AFF3: variants seen among roughly 807,000 people sequenced by gnomAD.
AFF3 encodes AF4/FMR2 family member 3.
In AFF3, 32 loss-of-function variants were observed where a neutral mutation model predicts 129.7. The ratio of observed to expected loss-of-function variants is 0.25; its 90% CI spans 0.19 to 0.33. The LOEUF (loss-of-function observed/expected upper bound fraction) is 0.33, where lower values mean the gene tolerates loss of function less well. Among genes scored for constraint, AFF3 ranks in the 10% least tolerant of loss-of-function variants. AFF3 has a pLI of 1.00. For synonymous variants in AFF3, 644 were observed against 635.4 expected, an observed-to-expected ratio of 1.01 and a Z score of -0.20; for missense variants, 1,373 against 1,592.0, an observed-to-expected ratio of 0.86 and a Z score of 2.34.
chr2:99,819,996 C>T (rs1421574432), intron 8 of AFF3, among the ~76,000 whole-genome samples: 1 of 152,126 alleles, frequency 6.6e-6, no homozygotes, highest in Non-Finnish European at 1.5e-5. Flanking sequence ...ACAGCACAGG[C>T]GGATGCAAAA....
At chr2:99,721,546 A>G (rs1238336192) in intron 11 of AFF3, among the ~76,000 whole-genome samples, 1 of 152,070 alleles carries the variant, frequency 6.6e-6, no homozygotes, top group Non-Finnish European at 1.5e-5. Flanking sequence ...AAAGAAAAAA[A>G]AAAAGAATTC....
In AFF3 at chr2:99,549,462, G is replaced by C. The variant is rs557408026; in HGVS notation, c.*2012C>G. On this transcript the variant is annotated 3_prime_UTR_variant, in exon 25 of 25. Transcript: ENST00000672756. Reference sequence around the variant, plus strand: ...TAGCTGGGCATGGTAGTGCACACCTGTAATCCCAGCTACTTGGGAGGCTGA... The same window carrying C: ...TAGCTGGGCATGGTAGTGCACACCTCTAATCCCAGCTACTTGGGAGGCTGA... The C allele has an allele frequency of 2.1e-4, 37 of 178,974 alleles. No homozygotes were observed. Among genetic ancestry groups the C allele is most frequent in the African/African-American group, 8.5e-4 (36 of 42,430 alleles). The allele number at this position is 178,974 out of a possible 1,614,324, so 11.1% of individuals were successfully genotyped here.
At chr2:100,020,944 G>A (rs1170874280) in intron 4 of AFF3, among the ~76,000 whole-genome samples, 1 of 152,194 alleles carries the variant, frequency 6.6e-6, no homozygotes, top group Non-Finnish European at 1.5e-5. Context: ...CTGCCCTCAG[G>A]ATAGCATCTC....
intron 7 of AFF3, among the ~76,000 whole-genome samples, chr2:99,984,586 T>G (rs1679692547): frequency 6.6e-6 from 1 of 152,130 alleles, no homozygotes; most frequent in African/African-American, 2.4e-5. Context: ...AATAATGGAA[T>G]AGAAATGGAA....
chr2:100,027,272 G>A (rs1684124634), intron 4 of AFF3, among the ~76,000 whole-genome samples: 1 of 152,134 alleles, frequency 6.6e-6, no homozygotes, highest in South Asian at 2.1e-4. Context: ...CACCTAATTT[G>A]CATCTGCTCC....
chr2:99,601,548 C>CGCT lies in AFF3; in HGVS notation c.1255_1257dup (p.Ser419dup), dbSNP rs756251519. ...GAGTCGCTGGAGGAGCTGCTGCTGC[C>CGCT]GCTGCTGCTGCTGCTGCTGCTGCCC... On this transcript the variant is annotated inframe_insertion, in exon 14 of 25. Coordinates refer to ENST00000672756, the MANE Select transcript of AFF3 (RefSeq NM_001386135.1). The CGCT allele has an allele frequency of 3.7e-5, 59 of 1,598,764 alleles. No individual in the cohort carries two copies. The highest frequency in any genetic ancestry group is 1.7e-4 in the Middle Eastern group (1 of 5,892).
intron 3 of AFF3, chr2:100,104,825 G>T: frequency 2.2e-6 from 1 of 453,726 alleles, no homozygotes; most frequent in Non-Finnish European, 2.7e-6. Context: ...CCGCCGCCGC[G>T]GTGCTCTGCG....
intron 8 of AFF3, among the ~76,000 whole-genome samples, chr2:99,766,816 T>C (rs971844370): frequency 5.3e-5 from 8 of 152,170 alleles, no homozygotes; most frequent in African/African-American, 1.9e-4. Flanking sequence ...AGGAAGACAT[T>C]AAATTAATAA....
intron 7 of AFF3, among the ~76,000 whole-genome samples, chr2:99,928,152 T>C (rs1696410850): frequency 6.6e-6 from 1 of 152,166 alleles, no homozygotes; most frequent in Non-Finnish European, 1.5e-5. Context: ...CTGCCCGGTC[T>C]CAGGTATGTC....
chr2:100,006,935 C>A lies in AFF3; in HGVS notation c.570G>T (p.Glu190Asp), dbSNP rs201998798. ...GCCTCTCCTGGGTCTGAAGGCCCAC[C>A]TCCACATTGCACACTTGTTTGGCCC... ...QPRAKQVCNV[E>D]VGLQTQERPP... The change falls in exon 7 of 25, where the codon GAG becomes GAT. Residue 190 changes from glutamate (E) to aspartate (D), a missense_variant. This residue lies in a region of AFF3 where 255 missense variants were observed against 256.0 expected (regional missense o/e 1.00). Coordinates refer to ENST00000672756, the MANE Select transcript of AFF3 (RefSeq NM_001386135.1). The A allele has an allele frequency of 2.0e-5, 33 of 1,614,226 alleles. No individual in the cohort carries two copies. In the East Asian group the frequency reaches 7.4e-4, roughly 36 times the overall value.
intron 11 of AFF3, among the ~76,000 whole-genome samples, chr2:99,698,256 C>T (rs546889377): frequency 6.6e-6 from 1 of 152,326 alleles, no homozygotes; most frequent in African/African-American, 2.4e-5. Context: ...CATTTCTCCA[C>T]CCACAGGATA....
Position 99,593,846 on chromosome 2 carries a change from G to T in AFF3, c.1815C>A (p.Pro605=). Residue 605 remains proline (P), a synonymous_variant, in exon 15 of 25, where the codon CCC becomes CCA. Coordinates refer to ENST00000672756, the MANE Select transcript of AFF3 (RefSeq NM_001386135.1). The part of the protein sequence containing the change: ...SAGDGANCHR[P]EEPAAADALG... The stretch of plus-strand genomic sequence containing the variant: ...GCGCGTCCGCGGCCGCGGGCTCCTC[G>T]GGCCGGTGGCAGTTGGCGCCGTCCC... The T allele has an allele frequency of 6.3e-7, 1 of 1,595,268 alleles. No individual in the cohort carries two copies.
In AFF3 at chr2:99,551,501, C is replaced by A; in HGVS notation, c.3654G>T (p.Trp1218Cys). 1 of 1,614,104 alleles carries A rather than the reference C, an allele frequency of 6.2e-7. No individual in the cohort carries two copies. Among genetic ancestry groups the A allele is most frequent in the Non-Finnish European group, 8.5e-7 (1 of 1,180,016 alleles). Residue 1218 changes from tryptophan (W) to cysteine (C), a missense_variant, in exon 25 of 25, where the codon TGG (tryptophan) becomes TGT (cysteine). Trp to Cys is a radical substitution (Grantham distance 215, BLOSUM62 -2). Transcript: ENST00000672756. ...ATGACAGGTGGGCGCTGTTCCGCAG[C>A]CAGTGCAGGCCCTGTTGGGAGTACT... The part of the protein sequence containing the change: ...LVQYSQQGLH[W>C]LRNSAHLS
chr2:100,108,198 C>A (rs2105518743), intron 2 of AFF3, among the ~76,000 whole-genome samples: 1 of 151,510 alleles, frequency 6.6e-6, no homozygotes, highest in South Asian at 2.1e-4. Context: ...GCAGGATAAA[C>A]CTTCTAGGCT....
At chr2:100,009,951 T>A (rs751770766) in intron 4 of AFF3, among the ~76,000 whole-genome samples, 6 of 152,138 alleles carry the variant, frequency 3.9e-5, no homozygotes, top group Non-Finnish European at 7.3e-5. Context: ...GACCTGGCCA[T>A]CATTCTGCTT....
Position 99,574,247 on chromosome 2 carries a change from TGTTGTGC to T in AFF3, c.2918+4073_2918+4079del, listed in dbSNP as rs371481107. Among the ~76,000 whole-genome samples the T allele has an allele frequency of 2.0e-3, 311 of 152,344 alleles. 1 individual carries two copies. Among genetic ancestry groups the T allele is most frequent in the African/African-American group, 7.3e-3 (304 of 41,570 alleles). On this transcript the variant is annotated intron_variant, in intron 18 of 24. Transcript: ENST00000672756. ...AATACTGTGGCTGTCAAGTAGTGAA[TGTTGTGC>T]GTTTGCTTAATGTCAGGGGAGGAGG...
At chr2:99,609,786 A>T (rs968991790) in intron 13 of AFF3, among the ~76,000 whole-genome samples, 5 of 152,128 alleles carry the variant, frequency 3.3e-5, no homozygotes, top group Non-Finnish European at 2.9e-5. Flanking sequence ...CAATACCAAA[A>T]CCAGAAAACT....
At chr2:99,601,735 A>C in intron 13 of AFF3, 114 bp from the exon 14 acceptor site, 1 of 1,243,850 alleles carries the variant, frequency 8.0e-7, no homozygotes, top group Non-Finnish European at 1.1e-6. Flanking sequence ...CGCAGCCTAC[A>C]CATCTGTCAA....
intron 4 of AFF3, among the ~76,000 whole-genome samples, chr2:100,032,997 G>A (rs1409030167): frequency 6.6e-6 from 1 of 152,108 alleles, no homozygotes; most frequent in African/African-American, 2.4e-5. Flanking sequence ...GGCTTGTTAT[G>A]CCTTATCCTC....
Sources: allele counts gnomAD v4.1 joint callset (sites outside exome capture counted in the v4.1 genomes callset), GRCh38; gene constraint gnomAD v4.1.1; regional missense constraint gnomAD v4.1.1; transcripts MANE v1.5; gene names NCBI Gene and HGNC (gene_info 2026-07-23, HGNC 2026-07-21).